Variants in CHRM3 observed in about 807,000 individuals in gnomAD.
CHRM3 encodes muscarinic acetylcholine receptor M3.
In CHRM3, 11 loss-of-function variants were observed where a neutral mutation model predicts 41.8. The observed-to-expected ratio is 0.26, with a 90% CI of 0.17 to 0.44. The LOEUF (loss-of-function observed/expected upper bound fraction) is 0.44, where lower values mean the gene tolerates loss of function less well. Ranked by LOEUF, CHRM3 falls within the 20% of genes least tolerant of loss-of-function variation. The pLI is 1.00. For synonymous variants in CHRM3, 297 were observed against 301.4 expected (o/e 0.99, Z 0.15); for missense variants, 571 against 745.4 (o/e 0.77, Z 2.72).
chr1:239,769,834 T>C (rs1257761001), intron 5 of CHRM3, among the ~76,000 whole-genome samples: 1 of 151,844 alleles, frequency 6.6e-6, no homozygotes, highest in African/African-American at 2.4e-5. Context: ...TGAGCAGAGA[T>C]TGCACCACTG....
chr1:239,774,067 C>G (rs1667899935), intron 5 of CHRM3, among the ~76,000 whole-genome samples: 2 of 152,150 alleles, frequency 1.3e-5, no homozygotes, highest in Admixed American at 6.5e-5. Context: ...TGAGAAAATA[C>G]CACGTGTCTC....
chr1:239,735,165 C>A (rs1022188855), intron 5 of CHRM3, among the ~76,000 whole-genome samples: 2 of 152,148 alleles, frequency 1.3e-5, no homozygotes, highest in Non-Finnish European at 2.9e-5. Flanking sequence ...ATGCCAGCCT[C>A]ATGGAGATCA....
chr1:239,756,916 G>C (rs1465422577), intron 5 of CHRM3, among the ~76,000 whole-genome samples: 3 of 152,074 alleles, frequency 2.0e-5, no homozygotes, highest in African/African-American at 7.2e-5. Flanking sequence ...AATTTATCAG[G>C]GAATTCTGAG....
intron 5 of CHRM3, among the ~76,000 whole-genome samples, chr1:239,708,205 A>C (rs1417088402): frequency 2.6e-5 from 4 of 152,210 alleles, no homozygotes. Context: ...GTGGTGGTTC[A>C]GGCCAAAACC....
intron 3 of CHRM3, among the ~76,000 whole-genome samples, chr1:239,551,654 G>T (rs1365782577): frequency 1.3e-5 from 2 of 151,952 alleles, no homozygotes; most frequent in Admixed American, 1.3e-4. Context: ...TCATACAATT[G>T]TAACATGAAA....
chr1:239,644,344 C>T (rs185848285), intron 4 of CHRM3, among the ~76,000 whole-genome samples: 10 of 152,162 alleles, frequency 6.6e-5, no homozygotes, highest in South Asian at 4.1e-4. Context: ...CCCACCCACC[C>T]GTCTTCCCAC....
At chr1:239,836,924 G>C (rs1248061144) in intron 6 of CHRM3, among the ~76,000 whole-genome samples, 2 of 150,582 alleles carry the variant, frequency 1.3e-5, no homozygotes, top group Admixed American at 1.3e-4. Flanking sequence ...GCAGCGAGCC[G>C]AGATAGCACC....
intron 2 of CHRM3, among the ~76,000 whole-genome samples, chr1:239,499,738 C>T (rs1289369412): frequency 6.6e-6 from 1 of 151,980 alleles, no homozygotes; most frequent in Non-Finnish European, 1.5e-5. Context: ...CACCAGGTAA[C>T]CTATAAAGGA....
chr1:239,546,876 A>G (rs1261079050), intron 3 of CHRM3, among the ~76,000 whole-genome samples: 5 of 152,222 alleles, frequency 3.3e-5, no homozygotes, highest in Admixed American at 3.3e-4. Context: ...AGTATTTAAT[A>G]CATCTGTTAA....
rs147229634 is a variant in CHRM3, at chr1:239,825,415, C to A, written c.-146-1837C>A. On this transcript the variant is annotated intron_variant, in intron 5 of 6. Transcript: ENST00000676153. ...TTGCTACCTTGAAAGTGCCGCTCAA[C>A]AATTCCATCTTCTATAAAGTTCTCA... Among the ~76,000 whole-genome samples, 163 of 152,302 alleles carry A rather than the reference C, an allele frequency of 1.1e-3. 1 individual carries two copies. Among genetic ancestry groups the A allele is most frequent in the African/African-American group, 3.8e-3 (156 of 41,576 alleles).
At chr1:239,825,989 G>T (rs75390134) in intron 5 of CHRM3, among the ~76,000 whole-genome samples, 5,652 of 152,266 alleles carry the variant, frequency 0.037, 357 homozygotes, top group African/African-American at 0.13. Flanking sequence ...CCATTTACGT[G>T]AGGAACATAG....
chr1:239,645,807 T>C (rs1268732138), intron 4 of CHRM3, among the ~76,000 whole-genome samples: 9 of 152,076 alleles, frequency 5.9e-5, no homozygotes, highest in Admixed American at 5.2e-4. Context: ...GGTGAAATAA[T>C]AGAGGTGGTT....
Position 239,634,376 on chromosome 1 carries a change from C to CAGAAAGAAAGAAAGAAAGAAA in CHRM3, c.-250+2090_-250+2091insAGAAAGAAAGAAAGAAAGAAA, listed in dbSNP as rs1553347938. Among the ~76,000 whole-genome samples, 177 of 135,560 alleles carry CAGAAAGAAAGAAAGAAAGAAA rather than the reference C, an allele frequency of 1.3e-3. 1 individual carries two copies. Among genetic ancestry groups the CAGAAAGAAAGAAAGAAAGAAA allele is most frequent in the African/African-American group, 4.8e-3 (171 of 35,308 alleles). The allele number at this position is 135,560 out of a possible 152,430, so 88.9% of individuals were successfully genotyped here. ...GATAGAGAGCAAAAGCAAGAACAAACGAAAGAAAGAAAGAAAGAAAGAAAG... is the reference window on the plus strand; with the variant it reads ...GATAGAGAGCAAAAGCAAGAACAAACAGAAAGAAAGAAAGAAAGAAAGAAAGAAAGAAAGAAAGAAAGAAAG... On this transcript the variant is annotated intron_variant, in intron 4 of 6. Coordinates refer to ENST00000676153, the MANE Select transcript of CHRM3 (RefSeq NM_001375978.1).
intron 5 of CHRM3, among the ~76,000 whole-genome samples, chr1:239,809,544 C>A (rs1408021230): frequency 6.6e-6 from 1 of 152,078 alleles, no homozygotes; most frequent in African/African-American, 2.4e-5. Context: ...GTGGCCCAGG[C>A]TGGAGTGCAG....
rs112165715 is a variant in CHRM3, at chr1:239,404,871, A to G, written c.-521+17644A>G. On this transcript the variant is annotated intron_variant, in intron 1 of 6. Transcript: ENST00000676153. ...TCTCTTGAGTTCTATCAGGGAGCTG[A>G]CTATCAAAAACAGACCATATTTTTG... Among the ~76,000 whole-genome samples the G allele has an allele frequency of 6.4e-3, 968 of 151,472 alleles. 9 individuals are homozygous for G. The highest frequency in any genetic ancestry group is 0.022 in the African/African-American group (927 of 41,370).
At chr1:239,537,220 C>G (rs1172672291) in intron 2 of CHRM3, among the ~76,000 whole-genome samples, 4 of 152,114 alleles carry the variant, frequency 2.6e-5, no homozygotes, top group African/African-American at 9.7e-5. Flanking sequence ...TTAGGCAGTT[C>G]TTGCATTGCT....
intron 3 of CHRM3, among the ~76,000 whole-genome samples, chr1:239,584,169 T>C (rs1663181001): frequency 6.7e-6 from 1 of 150,120 alleles, no homozygotes; most frequent in South Asian, 2.1e-4. Flanking sequence ...AGTGGTGCGA[T>C]CTTGGCTCAC....
intron 3 of CHRM3, among the ~76,000 whole-genome samples, chr1:239,554,839 C>T (rs942718971): frequency 6.6e-6 from 1 of 150,788 alleles, no homozygotes; most frequent in Non-Finnish European, 1.5e-5. Context: ...AAGCAATTCT[C>T]CTGCCTCAGC....
chr1:239,517,073 A>C (rs1669321699), intron 2 of CHRM3, among the ~76,000 whole-genome samples: 1 of 152,216 alleles, frequency 6.6e-6, no homozygotes. Flanking sequence ...ATAGAAATAA[A>C]GTACACAATA....
Sources: gnomAD v4.1 joint callset for allele counts (sites outside exome capture counted in the v4.1 genomes callset) on GRCh38, gnomAD v4.1.1 for gene constraint, MANE v1.5 for transcripts, NCBI Gene and HGNC (gene_info 2026-07-23, HGNC 2026-07-21) for gene names.